CDH12: variants seen among roughly 807,000 people sequenced by gnomAD.
CDH12 encodes the protein cadherin-12.
A neutral mutation model predicts 74.1 loss-of-function variants in CDH12; 41 were observed. The ratio of observed to expected loss-of-function variants is 0.55; its 90% confidence interval spans 0.43 to 0.72. The LOEUF is 0.72. Ranked by LOEUF, CDH12 falls within the 30% of genes least tolerant of loss-of-function variation. CDH12 has a pLI of 0.00. For synonymous variants in CDH12, 399 were observed against 355.0 expected, an observed-to-expected ratio of 1.12 and a Z score of -1.39; for missense variants, 945 against 977.2, an observed-to-expected ratio of 0.97 and a Z score of 0.44.
intron 3 of CDH12, among the ~76,000 whole-genome samples, chr5:22,389,894 C>T (rs547044051): frequency 1.7e-3 from 252 of 151,956 alleles, no homozygotes; most frequent in Non-Finnish European, 2.8e-3. Flanking sequence ...GTGATCTGCC[C>T]GCTTCGGTCT....
chr5:21,950,755 A>ATTTTAT (rs1561322699), intron 6 of CDH12, among the ~76,000 whole-genome samples: 2 of 119,364 alleles, frequency 1.7e-5, no homozygotes, highest in East Asian at 5.3e-4. Context: ...CATAAATTTT[A>ATTTTAT]TTTTATTATT....
At chr5:22,393,943 A>G (rs1742351155) in intron 3 of CDH12, among the ~76,000 whole-genome samples, 1 of 152,114 alleles carries the variant, frequency 6.6e-6, no homozygotes. Flanking sequence ...TCCAAACAAA[A>G]TGTTAAGAGT....
At chr5:22,693,498 A>G (rs752642616) in intron 1 of CDH12, among the ~76,000 whole-genome samples, 1 of 152,178 alleles carries the variant, frequency 6.6e-6, no homozygotes, top group Non-Finnish European at 1.5e-5. Flanking sequence ...AAGTAAAGAA[A>G]TAACCCATTT....
chr5:22,450,384 T>C (rs1744996639), intron 2 of CDH12, among the ~76,000 whole-genome samples: 1 of 151,976 alleles, frequency 6.6e-6, no homozygotes, highest in Non-Finnish European at 1.5e-5. Context: ...TCTTCTAAAG[T>C]CTGTTTATTA....
intron 14 of CDH12, 80 bp from the exon 15 acceptor site, chr5:21,752,316 TA>T (rs752528510): frequency 1.3e-5 from 17 of 1,329,784 alleles, no homozygotes; most frequent in Non-Finnish European, 1.6e-5. Flanking sequence ...TAAAAATGAT[TA>T]GGGGTGGCTG....
chr5:22,535,824 C>T (rs1347643805), intron 1 of CDH12, among the ~76,000 whole-genome samples: 2 of 152,152 alleles, frequency 1.3e-5, no homozygotes, highest in East Asian at 1.9e-4. Context: ...AAAATACAGT[C>T]GGACCTCTGT....
chr5:22,394,390 A>G (rs1448684008), intron 3 of CDH12, among the ~76,000 whole-genome samples: 5 of 152,096 alleles, frequency 3.3e-5, no homozygotes, highest in African/African-American at 1.2e-4. Context: ...AAATTGCAGG[A>G]TTTTCAAAAA....
chr5:21,936,604 A>G (rs1256460411), intron 6 of CDH12, among the ~76,000 whole-genome samples: 1 of 152,146 alleles, frequency 6.6e-6, no homozygotes, highest in Non-Finnish European at 1.5e-5. Flanking sequence ...GGTGGGACGG[A>G]AGAAATTAAA....
At chr5:21,871,264 A>G (rs1033827991) in intron 6 of CDH12, among the ~76,000 whole-genome samples, 1 of 152,202 alleles carries the variant, frequency 6.6e-6, no homozygotes, top group Admixed American at 6.5e-5. Context: ...CAGATTAACC[A>G]TTAAACAATT....
At chr5:22,211,224 T>C (rs1326622930) in intron 4 of CDH12, among the ~76,000 whole-genome samples, 2 of 152,150 alleles carry the variant, frequency 1.3e-5, no homozygotes, top group African/African-American at 4.8e-5. Flanking sequence ...GTGCTCACTC[T>C]GAAAAGCACA....
intron 1 of CDH12, among the ~76,000 whole-genome samples, chr5:22,639,615 G>A (rs951501753): frequency 6.6e-6 from 1 of 151,946 alleles, no homozygotes; most frequent in Non-Finnish European, 1.5e-5. Context: ...GCTAGTTTAC[G>A]AGACTTGGAA....
At position 22,118,171 on chromosome 5, in the gene CDH12, C is replaced by T. The variant is rs953679518; in HGVS notation, c.-186-39309G>A. Among the ~76,000 whole-genome samples, 5 of 152,242 alleles carry T rather than the reference C, an allele frequency of 3.3e-5. No homozygotes were observed. In the South Asian group the frequency reaches 1.0e-3, roughly 32 times the overall value. On this transcript the variant is annotated intron_variant, in intron 4 of 14. Transcript: ENST00000382254. ...AGTCCCAACAAACACAATTTTTTCA[C>T]AACAAAATGCGTGATTTTTACTCAA...
intron 1 of CDH12, among the ~76,000 whole-genome samples, chr5:22,598,053 A>C (rs1736685529): frequency 6.6e-6 from 1 of 152,182 alleles, no homozygotes; most frequent in South Asian, 2.1e-4. Context: ...GAAAATTAGA[A>C]GACCTGAATT....
intron 4 of CDH12, among the ~76,000 whole-genome samples, chr5:22,190,880 A>G (rs1442096293): frequency 6.6e-6 from 1 of 152,228 alleles, no homozygotes; most frequent in Non-Finnish European, 1.5e-5. Context: ...GCGCATGCCA[A>G]TCTGTTGCCA....
chr5:21,854,139 A>G (rs191162434), intron 7 of CDH12, among the ~76,000 whole-genome samples: 6 of 151,692 alleles, frequency 4.0e-5, no homozygotes, highest in Admixed American at 6.6e-5. Flanking sequence ...TCAATTAACA[A>G]TGGGACTGGA....
chr5:22,229,060 T>C (rs748005068), intron 3 of CDH12, among the ~76,000 whole-genome samples: 2 of 152,028 alleles, frequency 1.3e-5, no homozygotes, highest in Admixed American at 1.3e-4. Context: ...TAAAATACTT[T>C]GAAGAATTTC....
At chr5:21,896,694 A>G (rs1041458566) in intron 6 of CDH12, among the ~76,000 whole-genome samples, 8 of 152,212 alleles carry the variant, frequency 5.3e-5, no homozygotes, top group Non-Finnish European at 1.2e-4. Context: ...GATGGAAAAC[A>G]CGTGAAACAA....
chr5:22,718,041 C>T (rs1306264139), intron 1 of CDH12, among the ~76,000 whole-genome samples: 1 of 152,092 alleles, frequency 6.6e-6, no homozygotes, highest in Non-Finnish European at 1.5e-5. Context: ...TTCTGTGTGC[C>T]TCATGCATTT....
intron 3 of CDH12, among the ~76,000 whole-genome samples, chr5:22,313,447 A>G (rs1203511223): frequency 6.6e-6 from 1 of 152,180 alleles, no homozygotes; most frequent in African/African-American, 2.4e-5. Context: ...GACTAATATT[A>G]TATGAATTTA....
Sources: gnomAD v4.1 joint callset for allele counts (sites outside exome capture counted in the v4.1 genomes callset) on GRCh38, gnomAD v4.1.1 for gene constraint, MANE v1.5 for transcripts, NCBI Gene and HGNC (gene_info 2026-07-23, HGNC 2026-07-21) for gene names.